The following SAMD5 variants were observed in gnomAD, a reference collection of about 807,000 sequenced individuals.
SAMD5 encodes the protein sterile alpha motif domain containing 5, also known as sterile alpha motif domain-containing protein 5.
Under a neutral mutation model 11.3 loss-of-function variants are expected in SAMD5, and 13 were observed. That is an observed-to-expected ratio of 1.15 (90% CI 0.75 to 1.83). SAMD5 has a LOEUF of 1.83. Among genes scored for constraint, SAMD5 ranks in the 40% most tolerant of loss-of-function variants. The pLI is 0.00. For missense variants in SAMD5, 255 were observed against 239.1 expected (o/e 1.07, Z -0.44); for synonymous variants, 129 against 111.3 (o/e 1.16, Z -1.00).
the SAMD5 span, among the ~76,000 whole-genome samples, chr6:147,923,881 A>G: frequency 2.6e-5 from 4 of 152,354 alleles, no homozygotes; most frequent in East Asian, 1.9e-4. Flanking sequence ...ATATAGGCCT[A>G]GACACCCCAT....
the SAMD5 span, among the ~76,000 whole-genome samples, chr6:147,782,134 GA>G: frequency 0.19 from 25,740 of 138,610 alleles, 2,491 homozygotes; most frequent in African/African-American, 0.27. Context: ...TTGAGATCAG[GA>G]AAAAAAAAAA....
At chr6:147,544,848 C>T (rs940890845) in intron 1 of SAMD5, among the ~76,000 whole-genome samples, 6 of 152,150 alleles carry the variant, frequency 3.9e-5, no homozygotes, top group Admixed American at 2.6e-4. Flanking sequence ...AATGCTGTTA[C>T]TTATTGCTGT....
At chr6:147,881,583 C>T in the SAMD5 span, among the ~76,000 whole-genome samples, 1 of 152,224 alleles carries the variant, frequency 6.6e-6, no homozygotes. Flanking sequence ...ACCAGCTTGA[C>T]TCCTGCTTGT....
At chr6:147,760,081 C>T in the SAMD5 span, among the ~76,000 whole-genome samples, 6 of 151,780 alleles carry the variant, frequency 4.0e-5, no homozygotes, top group African/African-American at 9.7e-5. Context: ...GGTAAACATA[C>T]GGAATTATAA....
intron 1 of SAMD5, among the ~76,000 whole-genome samples, chr6:147,646,076 A>T (rs1294827021): frequency 6.7e-6 from 1 of 148,470 alleles, no homozygotes; most frequent in Non-Finnish European, 1.5e-5. Flanking sequence ...CTATCTATCT[A>T]GTCTTATCTA....
intron 1 of SAMD5, among the ~76,000 whole-genome samples, chr6:147,627,669 T>A (rs1024741004): frequency 6.6e-6 from 1 of 152,104 alleles, no homozygotes; most frequent in Admixed American, 6.5e-5. Context: ...TAATCATCCT[T>A]CCTTTTCCCT....
At chr6:147,615,875 C>G (rs1162581070) in intron 1 of SAMD5, among the ~76,000 whole-genome samples, 1 of 152,070 alleles carries the variant, frequency 6.6e-6, no homozygotes. Flanking sequence ...AATTCCTTTA[C>G]TATGATTCTG....
chr6:147,734,605 C>T (rs1162230752), intron 1 of SAMD5, among the ~76,000 whole-genome samples: 6 of 148,346 alleles, frequency 4.0e-5, no homozygotes, highest in African/African-American at 1.5e-4. Flanking sequence ...CCCAGCTACT[C>T]GGGAGGCTGA....
At chr6:147,773,505 C>T in the SAMD5 span, among the ~76,000 whole-genome samples, 6 of 152,132 alleles carry the variant, frequency 3.9e-5, no homozygotes, top group Non-Finnish European at 7.3e-5. Context: ...TCTCACAGTT[C>T]TGGGGGTTGG....
At chr6:147,785,959 TCTC>T in the SAMD5 span, among the ~76,000 whole-genome samples, 1 of 152,178 alleles carries the variant, frequency 6.6e-6, no homozygotes, top group Non-Finnish European at 1.5e-5. Context: ...TACATGGAAT[TCTC>T]CTGGCGGTTC....
chr6:147,529,936 A>C (rs919891307), intron 1 of SAMD5, among the ~76,000 whole-genome samples: 1 of 152,276 alleles, frequency 6.6e-6, no homozygotes, highest in African/African-American at 2.4e-5. Context: ...GTTTATAAGA[A>C]TAAAGTTAGT....
At chr6:147,588,700 A>G (rs1042351854) in intron 1 of SAMD5, among the ~76,000 whole-genome samples, 2 of 152,122 alleles carry the variant, frequency 1.3e-5, no homozygotes, top group Non-Finnish European at 2.9e-5. Flanking sequence ...CAATTTTGAA[A>G]TAGCTTTTGG....
rs1163470225 is a variant in SAMD5 at position 147,565,633 on chromosome 6, T to C, written c.*1177T>C. The C allele has an allele frequency of 2.1e-6, 1 of 481,546 alleles. No homozygotes were observed. The highest frequency in any genetic ancestry group is 1.5e-4 in the East Asian group (1 of 6,526). The allele number at this position is 481,546 out of a possible 1,614,324, so 29.8% of individuals were successfully genotyped here. On this transcript the variant is annotated 3_prime_UTR_variant, in exon 2 of 2. Coordinates refer to ENST00000367474, the MANE Select transcript of SAMD5 (RefSeq NM_001030060.3). ...TCACCACACCCAGCTAATTTTTTTG[T>C]ATTTTTAGTAGAGATGGGGTTTTAC...
At chr6:147,649,339 A>G (rs1271015926) in intron 1 of SAMD5, among the ~76,000 whole-genome samples, 2 of 152,196 alleles carry the variant, frequency 1.3e-5, no homozygotes, top group Non-Finnish European at 2.9e-5. Context: ...GCTGACTTCC[A>G]ATTTGCGGAA....
chr6:147,746,615 A>G, the SAMD5 span, among the ~76,000 whole-genome samples: 1 of 152,204 alleles, frequency 6.6e-6, no homozygotes, highest in Non-Finnish European at 1.5e-5. Context: ...AATGAGGTCA[A>G]AGGATACTGA....
the SAMD5 span, among the ~76,000 whole-genome samples, chr6:147,816,206 GGAGAAA>G: frequency 2.8e-5 from 4 of 144,358 alleles, no homozygotes; most frequent in Admixed American, 2.2e-4. Flanking sequence ...CTTGAACCCA[GGAGAAA>G]GAGGTTGCTG....
In SAMD5 at chr6:147,564,823, A is replaced by G; in HGVS notation, c.*367A>G. ...ACTTAGTTTAAGTACAATATAACAA[A>G]AAGGTAGATTTCTGACAGTAAGTAG... On this transcript the variant is annotated 3_prime_UTR_variant, in exon 2 of 2. Coordinates refer to ENST00000367474, the MANE Select transcript of SAMD5 (RefSeq NM_001030060.3). The G allele has an allele frequency of 5.1e-6, 5 of 977,620 alleles. No individual in the cohort carries two copies. The highest frequency in any genetic ancestry group is 6.1e-6 in the Non-Finnish European group (5 of 820,918). The allele number at this position is 977,620 out of a possible 1,614,324, so 60.6% of individuals were successfully genotyped here.
chr6:147,589,958 A>G (rs757839121), intron 1 of SAMD5, among the ~76,000 whole-genome samples: 8 of 152,180 alleles, frequency 5.3e-5, no homozygotes, highest in Non-Finnish European at 1.2e-4. Context: ...TTGTATGTGC[A>G]TAGGCCCGGA....
chr6:147,716,289 G>A (rs1562358670), intron 1 of SAMD5, among the ~76,000 whole-genome samples: 1 of 152,230 alleles, frequency 6.6e-6, no homozygotes, highest in Non-Finnish European at 1.5e-5. Flanking sequence ...ATCTGGCTGG[G>A]CTGCAACAGT....
Sources: allele counts gnomAD v4.1 joint callset (sites outside exome capture counted in the v4.1 genomes callset), GRCh38; gene constraint gnomAD v4.1.1; transcripts MANE v1.5; gene names NCBI Gene and HGNC (gene_info 2026-07-23, HGNC 2026-07-21).